ARHGAP26: variants seen among roughly 807,000 people sequenced by gnomAD.
ARHGAP26 encodes rho GTPase-activating protein 26.
Under a neutral mutation model 104.8 loss-of-function variants are expected in ARHGAP26, and 38 were observed. The observed-to-expected ratio is 0.36, with a 90% CI of 0.28 to 0.48. The LOEUF (loss-of-function observed/expected upper bound fraction) is 0.48, where lower values mean the gene tolerates loss of function less well. Among genes scored for constraint, ARHGAP26 ranks in the 20% least tolerant of loss-of-function variants. The probability of loss-of-function intolerance (pLI) is 0.99; values close to 1 mark genes in which losing one functional copy is unlikely to be tolerated. For missense variants in ARHGAP26, 704 were observed against 947.9 expected (o/e 0.74, Z 3.38); for synonymous variants, 341 against 340.0 (o/e 1.00, Z -0.03).
intron 17 of ARHGAP26, among the ~76,000 whole-genome samples, chr5:143,061,969 A>AC (rs1448647988): frequency 4.6e-5 from 7 of 152,298 alleles, no homozygotes; most frequent in Middle Eastern, 3.4e-3. Flanking sequence ...ATTGAGGACC[A>AC]CCATGATTAT....
intron 10 of ARHGAP26, among the ~76,000 whole-genome samples, chr5:142,916,665 G>A (rs913988222): frequency 6.6e-6 from 1 of 152,182 alleles, no homozygotes; most frequent in Non-Finnish European, 1.5e-5. Context: ...GGAGCTGAAT[G>A]CTTACCTGTA....
chr5:143,072,739 A>C (rs1442269355), intron 17 of ARHGAP26, among the ~76,000 whole-genome samples: 1 of 152,336 alleles, frequency 6.6e-6, no homozygotes, highest in African/African-American at 2.4e-5. Flanking sequence ...AGAAGTAAAA[A>C]GTGAAAAAAG....
intron 1 of ARHGAP26, among the ~76,000 whole-genome samples, chr5:142,857,192 A>G (rs932999004): frequency 6.6e-6 from 1 of 152,170 alleles, no homozygotes; most frequent in South Asian, 2.1e-4. Context: ...ATATGACCTC[A>G]TTTTAACTAG....
intron 4 of ARHGAP26, among the ~76,000 whole-genome samples, chr5:142,881,810 T>C (rs920438678): frequency 6.6e-6 from 1 of 152,228 alleles, no homozygotes; most frequent in Non-Finnish European, 1.5e-5. Flanking sequence ...GTTTGGGTAT[T>C]GGCCAAGTGG....
intron 10 of ARHGAP26, among the ~76,000 whole-genome samples, chr5:142,923,658 G>A (rs373747718): frequency 1.7e-4 from 26 of 152,248 alleles, no homozygotes; most frequent in African/African-American, 4.8e-5. Context: ...ATATGCCAAA[G>A]ATGTCTTTGG....
intron 13 of ARHGAP26, among the ~76,000 whole-genome samples, chr5:143,038,684 CTTTTTTTTTTTTTTTTTT>C (rs60428049): frequency 4.7e-5 from 3 of 64,384 alleles, no homozygotes; most frequent in South Asian, 1.9e-3. Context: ...GACATACGGC[CTTTTTTTTTTTTTTTTTT>C]TTTTTTTTTT....
intron 20 of ARHGAP26, among the ~76,000 whole-genome samples, chr5:143,160,533 T>A (rs187770229): frequency 2.5e-4 from 38 of 151,816 alleles, no homozygotes; most frequent in African/African-American, 7.2e-4. Flanking sequence ...TTTCCCAGGC[T>A]GAGTTCAGTG....
At chr5:142,944,964 G>T (rs1183473245) in intron 11 of ARHGAP26, among the ~76,000 whole-genome samples, 1 of 152,178 alleles carries the variant, frequency 6.6e-6, no homozygotes, top group East Asian at 1.9e-4. Flanking sequence ...ATTTGGAGCA[G>T]TGAGCAACAG....
chr5:143,003,393 C>G (rs1777471202), intron 11 of ARHGAP26, among the ~76,000 whole-genome samples: 1 of 152,198 alleles, frequency 6.6e-6, no homozygotes, highest in East Asian at 1.9e-4. Flanking sequence ...CTGCCTCTGA[C>G]CTGCAGAGAA....
intron 1 of ARHGAP26, among the ~76,000 whole-genome samples, chr5:142,862,355 T>C (rs1273847301): frequency 6.6e-6 from 1 of 152,238 alleles, no homozygotes; most frequent in Non-Finnish European, 1.5e-5. Flanking sequence ...ACAGAAAGAT[T>C]TGCATCCTGT....
intron 1 of ARHGAP26, among the ~76,000 whole-genome samples, chr5:142,843,181 A>G (rs796653720): frequency 1.8e-4 from 27 of 152,096 alleles, no homozygotes; most frequent in South Asian, 8.3e-4. Flanking sequence ...ACCTTTTGGC[A>G]CCTCAGATGA....
chr5:143,034,161 G>C (rs886881950), intron 12 of ARHGAP26, among the ~76,000 whole-genome samples: 2 of 152,150 alleles, frequency 1.3e-5, no homozygotes, highest in Non-Finnish European at 2.9e-5. Flanking sequence ...AATGAAAACT[G>C]GTGCAGCTGC....
intron 20 of ARHGAP26, among the ~76,000 whole-genome samples, chr5:143,171,374 G>T (rs566272367): frequency 1.3e-5 from 2 of 152,236 alleles, no homozygotes; most frequent in Admixed American, 1.3e-4. Flanking sequence ...CTCATTCCTG[G>T]CCATGGTTTG....
intron 11 of ARHGAP26, among the ~76,000 whole-genome samples, chr5:143,003,663 C>G (rs549399396): frequency 6.6e-6 from 1 of 152,254 alleles, no homozygotes; most frequent in South Asian, 2.1e-4. Context: ...TTAAGGTTGT[C>G]TGCAGCCATC....
At chr5:142,938,634 A>G (rs748500910) in intron 11 of ARHGAP26, among the ~76,000 whole-genome samples, 1 of 152,192 alleles carries the variant, frequency 6.6e-6, no homozygotes, top group African/African-American at 2.4e-5. Flanking sequence ...CAACATATAC[A>G]CACCCAACTT....
chr5:143,034,503 C>T (rs1300769077), intron 12 of ARHGAP26, among the ~76,000 whole-genome samples: 1 of 152,144 alleles, frequency 6.6e-6, no homozygotes, highest in Non-Finnish European at 1.5e-5. Flanking sequence ...TAAAAGACCG[C>T]ATCGTGTATG....
chr5:142,913,578 C>T (rs1450326840), intron 10 of ARHGAP26, among the ~76,000 whole-genome samples: 1 of 152,164 alleles, frequency 6.6e-6, no homozygotes, highest in Non-Finnish European at 1.5e-5. Context: ...TTAGTGCTTT[C>T]ATGCTCAGAA....
chr5:142,953,194 A>C (rs998214519), intron 11 of ARHGAP26, among the ~76,000 whole-genome samples: 1 of 152,158 alleles, frequency 6.6e-6, no homozygotes, highest in Non-Finnish European at 1.5e-5. Flanking sequence ...CTTGACATAC[A>C]AGGGAAGGTG....
chr5:142,907,209 T>A (rs1000759360), intron 8 of ARHGAP26: 1 of 152,170 alleles, frequency 6.6e-6, no homozygotes, highest in Non-Finnish European at 1.5e-5. Flanking sequence ...AAGTTAGGGG[T>A]TTGGAAGTAG....
Sources: allele counts gnomAD v4.1 joint callset (sites outside exome capture counted in the v4.1 genomes callset), GRCh38; gene constraint gnomAD v4.1.1; transcripts MANE v1.5; gene names NCBI Gene and HGNC (gene_info 2026-07-23, HGNC 2026-07-21).